The following ADCY2 variants were observed in gnomAD, a reference collection of about 807,000 sequenced individuals.
ADCY2 encodes adenylate cyclase type 2.
Under a neutral mutation model 125.2 loss-of-function variants are expected in ADCY2, and 31 were observed. That is an observed-to-expected ratio of 0.25 (90% CI 0.19 to 0.33). ADCY2 has a LOEUF of 0.33. ADCY2 is among the 10% of genes least tolerant of loss of function. The pLI, the probability that ADCY2 is intolerant of heterozygous loss-of-function variation, is 1.00. For synonymous variants in ADCY2, 512 were observed against 548.4 expected (o/e 0.93, Z 0.93); for missense variants, 904 against 1,418.2 (o/e 0.64, Z 5.82).
chr5:7,428,365 A>C (rs1333789184), intron 2 of ADCY2, among the ~76,000 whole-genome samples: 1 of 152,236 alleles, frequency 6.6e-6, no homozygotes, highest in African/African-American at 2.4e-5. Context: ...GAAAAACACC[A>C]AAAACTATCT....
chr5:7,473,375 G>C (rs113468541), intron 2 of ADCY2, among the ~76,000 whole-genome samples: 2 of 152,056 alleles, frequency 1.3e-5, no homozygotes, highest in Non-Finnish European at 2.9e-5. Flanking sequence ...AGAGAGTGGG[G>C]GGAGGTGCCA....
chr5:7,688,468 C>T (rs1396376598), intron 4 of ADCY2, among the ~76,000 whole-genome samples: 1 of 151,754 alleles, frequency 6.6e-6, no homozygotes, highest in Admixed American at 6.6e-5. Context: ...GGGGTTTCAC[C>T]ATGTTGGCCA....
chr5:7,733,371 G>A (rs895281907), intron 14 of ADCY2, among the ~76,000 whole-genome samples: 4 of 152,148 alleles, frequency 2.6e-5, no homozygotes, highest in African/African-American at 9.7e-5. Context: ...TCTCGCTGCG[G>A]GATTAGATAT....
chr5:7,542,118 A>G (rs1735016125), intron 3 of ADCY2, among the ~76,000 whole-genome samples: 1 of 152,166 alleles, frequency 6.6e-6, no homozygotes, highest in African/African-American at 2.4e-5. Flanking sequence ...GGCTCAGCTT[A>G]TAAGTGGAAG....
At chr5:7,785,882 A>G (rs940436085) in intron 19 of ADCY2, among the ~76,000 whole-genome samples, 1 of 152,216 alleles carries the variant, frequency 6.6e-6, no homozygotes, top group African/African-American at 2.4e-5. Flanking sequence ...CGTTGAGATG[A>G]TACACATTCA....
intron 4 of ADCY2, among the ~76,000 whole-genome samples, chr5:7,672,890 A>G (rs1405431699): frequency 2.0e-5 from 3 of 151,876 alleles, no homozygotes; most frequent in African/African-American, 7.3e-5. Flanking sequence ...CAGGGGTGGT[A>G]TGCCAGCCCC....
intron 14 of ADCY2, among the ~76,000 whole-genome samples, chr5:7,742,128 CA>C (rs1207472213): frequency 0.26 from 30,565 of 116,000 alleles, 3,826 homozygotes; most frequent in Non-Finnish European, 0.37. Context: ...GCATAGTGCC[CA>C]AAAAAAAAAA....
intron 19 of ADCY2, 110 bp from the exon 20 acceptor site, chr5:7,789,532 G>A (rs1744189574): frequency 9.3e-7 from 1 of 1,075,476 alleles, no homozygotes; most frequent in Non-Finnish European, 1.4e-6. Context: ...TCTGTTTGGG[G>A]GTTCTTTTTT....
intron 4 of ADCY2, among the ~76,000 whole-genome samples, chr5:7,653,797 T>A (rs1739186193): frequency 6.6e-6 from 1 of 152,146 alleles, no homozygotes. Flanking sequence ...AATTGACACT[T>A]TTTTTCCCAT....
chr5:7,701,436 T>A, intron 7 of ADCY2, among the ~76,000 whole-genome samples: 1 of 152,346 alleles, frequency 6.6e-6, no homozygotes, highest in South Asian at 2.1e-4. Context: ...TACTATTACA[T>A]TTTTTACTGT....
At chr5:7,470,901 T>C (rs1742311185) in intron 2 of ADCY2, among the ~76,000 whole-genome samples, 1 of 151,848 alleles carries the variant, frequency 6.6e-6, no homozygotes, top group African/African-American at 2.4e-5. Flanking sequence ...TTGAGTTTAT[T>C]TGAAGATGAT....
At chr5:7,570,274 A>T (rs2126599300) in intron 3 of ADCY2, among the ~76,000 whole-genome samples, 1 of 152,308 alleles carries the variant, frequency 6.6e-6, no homozygotes, top group Middle Eastern at 3.4e-3. Context: ...CTTTTGGACC[A>T]GAACAGCTGA....
intron 23 of ADCY2, among the ~76,000 whole-genome samples, chr5:7,818,420 G>A (rs1273927226): frequency 2.0e-5 from 3 of 149,856 alleles, no homozygotes; most frequent in East Asian, 2.0e-4. Flanking sequence ...GCAGTGGCAC[G>A]ATCTCAGTTC....
At position 7,563,334 on chromosome 5, in the gene ADCY2, C is replaced by G. The variant is rs527526770; in HGVS notation, c.570+42435C>G. On this transcript the variant is annotated intron_variant, in intron 3 of 24. Transcript: ENST00000338316. The stretch of plus-strand genomic sequence containing the variant: ...TAAAAAATAAAATATGCAGAGGAAA[C>G]TAGCGATGAGCATACCCTGCAAAAG... 3.9e-5 allele frequency among the ~76,000 whole-genome samples: 6 copies of G among 152,270 alleles called. No individual in the cohort carries two copies. The East Asian group carries it at 1.2e-3, about 29-fold the overall frequency.
chr5:7,522,963 A>G (rs1744510931), intron 3 of ADCY2, among the ~76,000 whole-genome samples: 1 of 151,934 alleles, frequency 6.6e-6, no homozygotes, highest in African/African-American at 2.4e-5. Flanking sequence ...ATGAGAAAAC[A>G]ATTTGCTCAG....
At chr5:7,492,992 T>G (rs1743219187) in intron 2 of ADCY2, among the ~76,000 whole-genome samples, 1 of 152,160 alleles carries the variant, frequency 6.6e-6, no homozygotes, top group Non-Finnish European at 1.5e-5. Context: ...ATTGCTCTTG[T>G]GCTCAGCCGG....
intron 3 of ADCY2, among the ~76,000 whole-genome samples, chr5:7,621,702 G>A (rs997954136): frequency 6.6e-6 from 1 of 152,194 alleles, no homozygotes; most frequent in Non-Finnish European, 1.5e-5. Context: ...CATTATGAAA[G>A]GAGCAAAATA....
chr5:7,773,255 A>C (rs1743612588), intron 18 of ADCY2, among the ~76,000 whole-genome samples, 154 bp downstream of exon 18: 1 of 152,224 alleles, frequency 6.6e-6, no homozygotes, highest in Non-Finnish European at 1.5e-5. Flanking sequence ...GAAAGACAAT[A>C]TGTGTTTTTG....
intron 4 of ADCY2, among the ~76,000 whole-genome samples, chr5:7,662,981 A>G (rs1277162405): frequency 7.4e-6 from 1 of 134,460 alleles, no homozygotes; most frequent in African/African-American, 2.6e-5. Flanking sequence ...TTATGTCTGC[A>G]GTGAAATTCA....
Sources: allele counts gnomAD v4.1 joint callset (sites outside exome capture counted in the v4.1 genomes callset), GRCh38; gene constraint gnomAD v4.1.1; transcripts MANE v1.5; gene names NCBI Gene and HGNC (gene_info 2026-07-23, HGNC 2026-07-21).